DLG2: variants seen among roughly 807,000 people sequenced by gnomAD.
DLG2 encodes disks large homolog 2.
DLG2 carries 45 observed loss-of-function variants against 132.5 expected under a neutral mutation model. That is an observed-to-expected ratio of 0.34 (90% CI 0.27 to 0.44). The LOEUF is 0.44. Ranked by LOEUF, DLG2 falls within the 20% of genes least tolerant of loss-of-function variation. DLG2 has a pLI of 1.00. For synonymous variants in DLG2, 424 were observed against 419.6 expected, an observed-to-expected ratio of 1.01 and a Z score of -0.13; for missense variants, 1,045 against 1,196.9, an observed-to-expected ratio of 0.87 and a Z score of 1.87.
chr11:83,481,743 A>T (rs540988533), intron 22 of DLG2, among the ~76,000 whole-genome samples: 1 of 152,278 alleles, frequency 6.6e-6, no homozygotes, highest in East Asian at 1.9e-4. Context: ...ATGAAAGTCA[A>T]GGCACATAAT....
intron 6 of DLG2, among the ~76,000 whole-genome samples, chr11:85,087,307 C>T (rs1326666198): frequency 1.3e-5 from 2 of 151,998 alleles, no homozygotes; most frequent in Admixed American, 6.6e-5. Flanking sequence ...AGAGAGAGCC[C>T]CTAGGAGGAA....
chr11:85,446,967 C>T (rs776160319), intron 3 of DLG2, among the ~76,000 whole-genome samples: 27 of 151,946 alleles, frequency 1.8e-4, no homozygotes, highest in Non-Finnish European at 3.2e-4. Context: ...TAATGAATCA[C>T]GGCAATTTTA....
At chr11:83,742,339 C>A (rs866958923) in intron 18 of DLG2, among the ~76,000 whole-genome samples, 1 of 150,772 alleles carries the variant, frequency 6.6e-6, no homozygotes, top group Non-Finnish European at 1.5e-5. Context: ...ATGTTGTGTA[C>A]CTTAAATATA....
chr11:84,593,584 G>A (rs778904227), intron 6 of DLG2, among the ~76,000 whole-genome samples: 4 of 152,152 alleles, frequency 2.6e-5, no homozygotes, highest in Non-Finnish European at 5.9e-5. Flanking sequence ...ATTCATAAGT[G>A]GGAGCTGAAC....
intron 3 of DLG2, among the ~76,000 whole-genome samples, chr11:85,346,789 G>T (rs1347034825): frequency 6.6e-6 from 1 of 152,018 alleles, no homozygotes; most frequent in Non-Finnish European, 1.5e-5. Flanking sequence ...AACAGTAAAG[G>T]ACATCACAAA....
intron 6 of DLG2, among the ~76,000 whole-genome samples, chr11:84,842,256 T>G (rs1328920512): frequency 6.6e-6 from 1 of 152,016 alleles, no homozygotes; most frequent in Non-Finnish European, 1.5e-5. Flanking sequence ...ACCTGAATTA[T>G]CTCTGCTTCT....
At position 84,974,304 on chromosome 11, in the gene DLG2, G is replaced by A. The variant is rs527443582; in HGVS notation, c.357+137357C>T. On this transcript the variant is annotated intron_variant, in intron 6 of 27. Transcript: ENST00000376104. ...TGCTTCTTTGCCATCAAACTTACTG[G>A]CATATGGTGGTATTAACAGTTAAGA... Among the ~76,000 whole-genome samples the A allele has an allele frequency of 7.2e-5, 11 of 152,232 alleles. No homozygotes were observed. The South Asian group carries it at 1.9e-3, about 26-fold the overall frequency.
intron 6 of DLG2, among the ~76,000 whole-genome samples, chr11:84,741,719 A>T (rs745924385): frequency 1.4e-4 from 22 of 152,118 alleles, no homozygotes; most frequent in Non-Finnish European, 2.8e-4. Context: ...TCCACCAGAC[A>T]CGTATAAGTT....
At chr11:85,381,311 T>A (rs112744386) in intron 3 of DLG2, among the ~76,000 whole-genome samples, 11 of 152,264 alleles carry the variant, frequency 7.2e-5, no homozygotes, top group African/African-American at 2.6e-4. Context: ...AATTGGTAGG[T>A]TCAAATGCAT....
At chr11:85,399,801 AATG>A (rs989610479) in intron 3 of DLG2, among the ~76,000 whole-genome samples, 11 of 152,148 alleles carry the variant, frequency 7.2e-5, no homozygotes, top group African/African-American at 1.9e-4. Flanking sequence ...TAAAGACTTA[AATG>A]TTAGACCTAA....
intron 18 of DLG2, among the ~76,000 whole-genome samples, chr11:83,707,664 C>T (rs757678709): frequency 3.3e-5 from 5 of 152,136 alleles, no homozygotes; most frequent in African/African-American, 4.8e-5. Context: ...GAGTGAGACT[C>T]GGTCTCAACA....
intron 2 of DLG2, among the ~76,000 whole-genome samples, chr11:85,623,059 CAA>C (rs34802509): frequency 3.4e-4 from 39 of 116,080 alleles, no homozygotes; most frequent in Admixed American, 3.5e-4. Flanking sequence ...CTCTGTCTCC[CAA>C]AAAAAAAAAA....
intron 9 of DLG2, among the ~76,000 whole-genome samples, chr11:84,161,311 G>A (rs1447227125): frequency 6.6e-6 from 1 of 152,220 alleles, no homozygotes; most frequent in South Asian, 2.1e-4. Context: ...TGAAAGCTGG[G>A]TAGAAATGGT....
intron 11 of DLG2, among the ~76,000 whole-genome samples, chr11:84,013,990 C>G (rs1289011994): frequency 6.6e-6 from 1 of 151,482 alleles, no homozygotes; most frequent in Non-Finnish European, 1.5e-5. Context: ...GAAAGCTGCT[C>G]TTGAGTATAT....
intron 18 of DLG2, among the ~76,000 whole-genome samples, chr11:83,705,976 T>C (rs1011913699): frequency 2.6e-5 from 4 of 152,152 alleles, no homozygotes; most frequent in Non-Finnish European, 4.4e-5. Flanking sequence ...CCCAGCACTT[T>C]GGGAGGCCAA....
chr11:85,066,373 A>C (rs2064920534), intron 6 of DLG2, among the ~76,000 whole-genome samples: 1 of 151,702 alleles, frequency 6.6e-6, no homozygotes, highest in African/African-American at 2.4e-5. Context: ...GATGTACAAA[A>C]GACAGTGGTA....
At chr11:84,812,327 T>C (rs1598672352) in intron 6 of DLG2, among the ~76,000 whole-genome samples, 1 of 152,182 alleles carries the variant, frequency 6.6e-6, no homozygotes, top group African/African-American at 2.4e-5. Flanking sequence ...CTTGCACCTT[T>C]ATAGGCACAT....
chr11:83,616,536 C>T (rs1214449397), intron 19 of DLG2, among the ~76,000 whole-genome samples: 1 of 151,662 alleles, frequency 6.6e-6, no homozygotes, highest in Non-Finnish European at 1.5e-5. Context: ...CTGCTCTTTA[C>T]ATATTCTGAA....
chr11:83,990,947 C>A (rs2093675211), intron 11 of DLG2, among the ~76,000 whole-genome samples: 1 of 152,100 alleles, frequency 6.6e-6, no homozygotes, highest in Non-Finnish European at 1.5e-5. Flanking sequence ...CCCTCACAGG[C>A]AACTTAACTT....
Sources: gnomAD v4.1 joint callset for allele counts (sites outside exome capture counted in the v4.1 genomes callset) on GRCh38, gnomAD v4.1.1 for gene constraint, MANE v1.5 for transcripts, NCBI Gene and HGNC (gene_info 2026-07-23, HGNC 2026-07-21) for gene names.